LEPR: variants seen among roughly 807,000 people sequenced by gnomAD.
LEPR encodes the protein leptin receptor.
In LEPR, 56 loss-of-function variants were observed where a neutral mutation model predicts 114.7. That is an observed-to-expected ratio of 0.49 (90% confidence interval 0.39 to 0.61). LEPR has a LOEUF of 0.61. Among genes scored for constraint, LEPR ranks in the 20% least tolerant of loss-of-function variants. LEPR has a pLI of 0.00. For synonymous variants in LEPR, 443 were observed against 461.4 expected, an observed-to-expected ratio of 0.96 and a Z score of 0.51; for missense variants, 1,202 against 1,352.9, an observed-to-expected ratio of 0.89 and a Z score of 1.75.
intron 2 of LEPR, among the ~76,000 whole-genome samples, chr1:65,493,500 C>T (rs1218569743): frequency 6.6e-6 from 1 of 152,000 alleles, no homozygotes; most frequent in African/African-American, 2.4e-5. Context: ...ATGGGGTGGT[C>T]AGTCAATTAT....
intron 2 of LEPR, among the ~76,000 whole-genome samples, chr1:65,443,228 A>G (rs1280552844): frequency 6.6e-6 from 1 of 152,158 alleles, no homozygotes; most frequent in Non-Finnish European, 1.5e-5. Context: ...TATCAAAAAA[A>G]TCAATTGCTT....
At chr1:65,619,788 G>T in intron 16 of LEPR, 140 bp from the exon 17 acceptor site, 2 of 712,852 alleles carry the variant, frequency 2.8e-6, no homozygotes, top group Non-Finnish European at 2.4e-6. Context: ...AAACTCCCTT[G>T]ATAATTTAAT....
intron 5 of LEPR, among the ~76,000 whole-genome samples, chr1:65,579,654 T>C (rs542424137): frequency 1.3e-5 from 2 of 152,342 alleles, no homozygotes; most frequent in East Asian, 3.9e-4. Context: ...AAATTCTCAC[T>C]TGGGTGCCTA....
Position 65,592,856 on chromosome 1 carries a change from A to G in LEPR, c.694A>G (p.Ile232Val). 2 of 1,613,046 alleles carry G rather than the reference A, an allele frequency of 1.2e-6. No individual in the cohort carries two copies. The highest frequency in any genetic ancestry group is 1.7e-6 in the Non-Finnish European group (2 of 1,179,218). ...FQSPLMSVQP[I>V]NMVKPDPPLG... The stretch of plus-strand genomic sequence containing the variant: ...GTCACCTCTAATGTCAGTTCAGCCC[A>G]TAAATATGGGTAAGTTATGCACTAA... Residue 232 changes from isoleucine to valine, a missense_variant, in exon 6 of 20, where the codon ATA becomes GTA. Coordinates refer to ENST00000349533, the MANE Select transcript of LEPR (RefSeq NM_002303.6).
At chr1:65,516,564 T>C (rs1649298597) in intron 2 of LEPR, among the ~76,000 whole-genome samples, 1 of 152,238 alleles carries the variant, frequency 6.6e-6, no homozygotes, top group African/African-American at 2.4e-5. Flanking sequence ...CTACTAATTA[T>C]CTGCAAATGG....
At chr1:65,422,199 G>C (rs1418036600) in intron 1 of LEPR, among the ~76,000 whole-genome samples, 1 of 152,166 alleles carries the variant, frequency 6.6e-6, no homozygotes, top group Non-Finnish European at 1.5e-5. Context: ...GGTTTAAGGT[G>C]GGCCCTAATC....
At chr1:65,621,083 G>A (rs1386085581) in intron 17 of LEPR, among the ~76,000 whole-genome samples, 2 of 152,100 alleles carry the variant, frequency 1.3e-5, no homozygotes, top group Non-Finnish European at 2.9e-5. Context: ...CCATTATAAT[G>A]TAAAAATGAT....
In LEPR at chr1:65,457,109, TC is replaced by T. The variant is rs1453515243; in HGVS notation, c.-21+31733del. ...TTAGTAACAAAGTAACCCAATTCTT[TC>T]CTCCTATCCCTTGTGTCAATGCTGT... On this transcript the variant is annotated intron_variant, in intron 2 of 19. Transcript: ENST00000349533. Among the ~76,000 whole-genome samples the T allele has an allele frequency of 3.3e-5, 5 of 152,268 alleles. No individual in the cohort carries two copies. The East Asian group carries it at 9.7e-4, about 29-fold the overall frequency.
intron 2 of LEPR, among the ~76,000 whole-genome samples, chr1:65,485,241 A>G (rs940140780): frequency 2.0e-5 from 3 of 152,168 alleles, no homozygotes; most frequent in African/African-American, 7.2e-5. Flanking sequence ...AATTCAGATA[A>G]AGCAGTCAAC....
rs573205317 is a variant in LEPR at position 65,604,247 on chromosome 1, T to C, written c.1404-791T>C. On this transcript the variant is annotated intron_variant, in intron 10 of 19. Coordinates refer to ENST00000349533, the MANE Select transcript of LEPR (RefSeq NM_002303.6). ...TACTGTCAGTTTCTGTGGAAAGATATAGAATTGGGAAAAATTAAAAAATGC... is the reference window on the plus strand; with the variant it reads ...TACTGTCAGTTTCTGTGGAAAGATACAGAATTGGGAAAAATTAAAAAATGC... Among the ~76,000 whole-genome samples the C allele has an allele frequency of 4.8e-3, 734 of 152,302 alleles. 5 individuals are homozygous for C. The highest frequency in any genetic ancestry group is 0.016 in the African/African-American group (647 of 41,576).
chr1:65,431,977 T>C, intron 2 of LEPR: 1 of 1,541,124 alleles, frequency 6.5e-7, no homozygotes, highest in Non-Finnish European at 8.7e-7. Flanking sequence ...TCTGTATACA[T>C]GTGCACATGC....
At chr1:65,575,834 C>A (rs573526639) in intron 5 of LEPR, among the ~76,000 whole-genome samples, 1 of 151,372 alleles carries the variant, frequency 6.6e-6, no homozygotes, top group South Asian at 2.1e-4. Flanking sequence ...ATTCTGATTT[C>A]CTTCTATAAG....
intron 2 of LEPR, among the ~76,000 whole-genome samples, chr1:65,468,783 G>C (rs1487348819): frequency 6.6e-6 from 1 of 152,226 alleles, no homozygotes; most frequent in Non-Finnish European, 1.5e-5. Flanking sequence ...GATGCATTGT[G>C]TACATGCAAA....
At position 65,639,874 on chromosome 1, in the gene LEPR, T is replaced by C. The variant is rs1186522848; in HGVS notation, c.*2859T>C. 6.6e-6 allele frequency: 1 copy of C among 152,152 alleles called. No individual in the cohort carries two copies. The highest frequency in any genetic ancestry group is 1.5e-5 in the Non-Finnish European group (1 of 68,028). 9.4% of individuals were successfully genotyped at this position (152,152 alleles called of 1,614,324 possible). A position where few individuals can be genotyped will look rare whatever the true frequency, so the allele number is the denominator to read the frequency against. On this transcript the variant is annotated 3_prime_UTR_variant, in exon 20 of 20. Transcript: ENST00000349533. ...AGAACAATGAAAAAGTTGACGTACATGTCACTATGAATAGGCACCTTCTGT... is the reference window on the plus strand; with the variant it reads ...AGAACAATGAAAAAGTTGACGTACACGTCACTATGAATAGGCACCTTCTGT...
intron 2 of LEPR, among the ~76,000 whole-genome samples, chr1:65,539,035 C>A (rs1407349268): frequency 7.0e-6 from 1 of 143,010 alleles, no homozygotes; most frequent in African/African-American, 2.6e-5. Flanking sequence ...TTTTAAGTGA[C>A]TTCTTTTTCT....
At chr1:65,602,993 A>T (rs1656545289) in intron 10 of LEPR, among the ~76,000 whole-genome samples, 1 of 152,126 alleles carries the variant, frequency 6.6e-6, no homozygotes, top group African/African-American at 2.4e-5. Context: ...GAAAACTATT[A>T]TGTTAAGCCC....
intron 2 of LEPR, among the ~76,000 whole-genome samples, chr1:65,458,387 C>T (rs2100362532): frequency 6.6e-6 from 1 of 152,284 alleles, no homozygotes; most frequent in Non-Finnish European, 1.5e-5. Flanking sequence ...CAAAGTCCCT[C>T]AATTTTCATT....
chr1:65,488,240 C>CTTTCT (rs1647669387), intron 2 of LEPR, among the ~76,000 whole-genome samples: 1 of 114,004 alleles, frequency 8.8e-6, no homozygotes, highest in African/African-American at 3.4e-5. Context: ...TTCTTTCTTT[C>CTTTCT]TTTCTTTCTT....
chr1:65,628,301 C>T (rs1658335937), intron 19 of LEPR, among the ~76,000 whole-genome samples: 1 of 152,030 alleles, frequency 6.6e-6, no homozygotes. Context: ...ATGAAAACAG[C>T]TCTATATTAA....
Sources: gnomAD v4.1 joint callset for allele counts (sites outside exome capture counted in the v4.1 genomes callset) on GRCh38, gnomAD v4.1.1 for gene constraint, MANE v1.5 for transcripts, NCBI Gene and HGNC (gene_info 2026-07-23, HGNC 2026-07-21) for gene names.